The following RGS5 variants were observed in gnomAD, a reference collection of about 807,000 sequenced individuals.
RGS5 encodes the protein regulator of G protein signaling 5.
In RGS5, 20 loss-of-function variants were observed where a neutral mutation model predicts 18.9. The observed-to-expected ratio is 1.06, with a 90% CI of 0.74 to 1.54. RGS5 has a LOEUF of 1.54. RGS5 is among the 40% of genes most tolerant of loss of function. The pLI is 0.00. For synonymous variants in RGS5, 57 were observed against 76.2 expected, an observed-to-expected ratio of 0.75 and a Z score of 1.31; for missense variants, 201 against 211.8, an observed-to-expected ratio of 0.95 and a Z score of 0.32.
chr1:163,203,114 T>G (rs1659847031), upstream of RGS5: 1 of 367,876 alleles, frequency 2.7e-6, no homozygotes, highest in Non-Finnish European at 5.1e-6. Context: ...CACAACACTC[T>G]CTTGCTAACC....
chr1:163,210,515 A>C (rs1660079982), intron 1 of RGS5, among the ~76,000 whole-genome samples: 1 of 152,186 alleles, frequency 6.6e-6, no homozygotes, highest in South Asian at 2.1e-4. Context: ...AGTAGAATAT[A>C]GGGGTTAAGA....
intron 2 of RGS5, among the ~76,000 whole-genome samples, chr1:163,285,197 A>G (rs1030983284): frequency 1.6e-4 from 24 of 152,182 alleles, no homozygotes; most frequent in Admixed American, 1.2e-3. Context: ...CTGCCAAACC[A>G]TATCAGTAAA....
At chr1:163,207,302 ATTGT>A (rs1659975815), upstream of RGS5, among the ~76,000 whole-genome samples, 1 of 152,160 alleles carries the variant, frequency 6.6e-6, no homozygotes, top group South Asian at 2.1e-4. Flanking sequence ...GTCATTTCTA[ATTGT>A]TTGCTTCTGG....
At chr1:163,160,650 G>A (rs79809969) in intron 3 of RGS5, among the ~76,000 whole-genome samples, 1 of 152,118 alleles carries the variant, frequency 6.6e-6, no homozygotes, top group East Asian at 1.9e-4. Flanking sequence ...GACACCAAAA[G>A]CAAGACATAA....
intron 1 of RGS5, among the ~76,000 whole-genome samples, chr1:163,182,238 C>A (rs1658881340): frequency 6.6e-6 from 1 of 152,136 alleles, no homozygotes; most frequent in Admixed American, 6.5e-5. Flanking sequence ...AAGATTTCCA[C>A]CTCATAATAA....
intron 1 of RGS5, among the ~76,000 whole-genome samples, chr1:163,198,416 T>A (rs16850440): frequency 0.041 from 6,192 of 152,182 alleles, 351 homozygotes; most frequent in African/African-American, 0.13. Flanking sequence ...ATAACTGCAC[T>A]GGTTCCTTTA....
chr1:163,231,271 A>G (rs1324967433), intron 2 of RGS5, among the ~76,000 whole-genome samples: 1 of 152,220 alleles, frequency 6.6e-6, no homozygotes, highest in Non-Finnish European at 1.5e-5. Flanking sequence ...GCACACATTT[A>G]TGTACTTAGA....
chr1:163,146,223 G>A lies in RGS5; in HGVS notation c.*1119C>T, dbSNP rs1472505296. 6.6e-6 allele frequency: 1 copy of A among 151,142 alleles called. No individual in the cohort carries two copies. Among genetic ancestry groups the A allele is most frequent in the African/African-American group, 2.5e-5 (1 of 40,650 alleles). 9.4% of individuals were successfully genotyped at this position (151,142 alleles called of 1,614,324 possible). ...GAAGCGAAATAGTGAAGGAATACTG[G>A]GGTTGCTAAAAGATTACTTTTTTTT... On this transcript the variant is annotated 3_prime_UTR_variant, in exon 5 of 5. Transcript: ENST00000313961.
At chr1:163,194,059 A>G (rs1412262717) in intron 1 of RGS5, among the ~76,000 whole-genome samples, 2 of 152,208 alleles carry the variant, frequency 1.3e-5, no homozygotes, top group Non-Finnish European at 2.9e-5. Context: ...AAGTGCAAGC[A>G]TCATACACTG....
chr1:163,204,739 T>G (rs894162542), upstream of RGS5, among the ~76,000 whole-genome samples: 1 of 152,176 alleles, frequency 6.6e-6, no homozygotes, highest in Admixed American at 6.5e-5. Flanking sequence ...TTTTGAGACA[T>G]GTGGACACTG....
At chr1:163,256,639 A>C (rs1648278948) in intron 2 of RGS5, among the ~76,000 whole-genome samples, 1 of 152,232 alleles carries the variant, frequency 6.6e-6, no homozygotes, top group African/African-American at 2.4e-5. Flanking sequence ...TTTGGAAATC[A>C]GTTTAAAAGA....
chr1:163,250,683 C>T (rs919689252), intron 2 of RGS5, among the ~76,000 whole-genome samples: 4 of 151,838 alleles, frequency 2.6e-5, no homozygotes, highest in South Asian at 2.1e-4. Context: ...AGAAAGACCC[C>T]GAAAAAATAG....
chr1:163,197,563 T>C (rs1659613983), intron 1 of RGS5, among the ~76,000 whole-genome samples: 2 of 152,144 alleles, frequency 1.3e-5, no homozygotes, highest in Admixed American at 6.5e-5. Flanking sequence ...CTTTCATCCA[T>C]ATGCCTAAGG....
chr1:163,152,949 T>C (rs1471931965), intron 3 of RGS5, among the ~76,000 whole-genome samples: 1 of 132,920 alleles, frequency 7.5e-6, no homozygotes, highest in East Asian at 2.3e-4. Context: ...CAGAGCTGTA[T>C]GGAACTCTAG....
chr1:163,146,854 A>G lies in RGS5; in HGVS notation c.*488T>C, dbSNP rs1049423367. On this transcript the variant is annotated 3_prime_UTR_variant, in exon 5 of 5. Coordinates refer to ENST00000313961, the MANE Select transcript of RGS5 (RefSeq NM_003617.4). ...ATCATACAGTGGCTGCTTCATAAAAATCTTATAAACTTTTATTAACCAAGT... is the reference window on the plus strand; with the variant it reads ...ATCATACAGTGGCTGCTTCATAAAAGTCTTATAAACTTTTATTAACCAAGT... The G allele has an allele frequency of 5.9e-5, 9 of 152,258 alleles. No homozygotes were observed. Among genetic ancestry groups the G allele is most frequent in the African/African-American group, 2.2e-4 (9 of 41,462 alleles). 9.4% of individuals were successfully genotyped at this position (152,258 alleles called of 1,614,324 possible).
chr1:163,170,317 C>T (rs1312356359), intron 1 of RGS5, among the ~76,000 whole-genome samples: 4 of 152,146 alleles, frequency 2.6e-5, no homozygotes, highest in Non-Finnish European at 5.9e-5. Flanking sequence ...CAATGCTTGG[C>T]AATATAGTAA....
intron 2 of RGS5, among the ~76,000 whole-genome samples, chr1:163,253,970 G>T (rs1476200700): frequency 6.6e-6 from 1 of 151,738 alleles, no homozygotes; most frequent in Non-Finnish European, 1.5e-5. Flanking sequence ...TCCCTACAAA[G>T]CACATGAACT....
At chr1:163,274,750 T>C (rs867162079) in intron 2 of RGS5, among the ~76,000 whole-genome samples, 1 of 152,228 alleles carries the variant, frequency 6.6e-6, no homozygotes, top group Middle Eastern at 3.4e-3. Flanking sequence ...CATCAAGTTG[T>C]TGTGAGAATA....
At chr1:163,255,163 A>C (rs1199905017) in intron 2 of RGS5, among the ~76,000 whole-genome samples, 12 of 152,084 alleles carry the variant, frequency 7.9e-5, no homozygotes, top group Non-Finnish European at 1.2e-4. Flanking sequence ...ACTTTAAAGT[A>C]GTTTTTTCCA....
Sources: gnomAD v4.1 joint callset for allele counts (sites outside exome capture counted in the v4.1 genomes callset) on GRCh38, gnomAD v4.1.1 for gene constraint, MANE v1.5 for transcripts, NCBI Gene and HGNC (gene_info 2026-07-23, HGNC 2026-07-21) for gene names.